The following MGAT4C variants were observed in gnomAD, a reference collection of about 807,000 sequenced individuals.
MGAT4C encodes the protein alpha-1,3-mannosyl-glycoprotein 4-beta-N-acetylglucosaminyltransferase C.
Under a neutral mutation model 40.1 loss-of-function variants are expected in MGAT4C, and 19 were observed. That is an observed-to-expected ratio of 0.47 (90% confidence interval 0.33 to 0.70). MGAT4C has a LOEUF of 0.70. Among genes scored for constraint, MGAT4C ranks in the 30% least tolerant of loss-of-function variants. The pLI is 0.02. For missense variants in MGAT4C, 491 were observed against 563.2 expected (o/e 0.87, Z 1.30); for synonymous variants, 181 against 187.1 (o/e 0.97, Z 0.27).
At chr12:86,704,974 T>A (rs1021279336) in intron 2 of MGAT4C, among the ~76,000 whole-genome samples, 4 of 152,126 alleles carry the variant, frequency 2.6e-5, no homozygotes, top group African/African-American at 9.7e-5. Context: ...AAAGAATTCA[T>A]CTTTGTAGCC....
chr12:86,795,103 T>G (rs1952091481), intron 1 of MGAT4C, among the ~76,000 whole-genome samples: 1 of 152,030 alleles, frequency 6.6e-6, no homozygotes, highest in Non-Finnish European at 1.5e-5. Context: ...ATGAATTTGT[T>G]TTCAAAATAC....
chr12:86,684,474 T>C (rs1950036228), intron 2 of MGAT4C, among the ~76,000 whole-genome samples: 1 of 152,212 alleles, frequency 6.6e-6, no homozygotes, highest in Non-Finnish European at 1.5e-5. Flanking sequence ...CTCAGGTAAA[T>C]AGTGCTGGAA....
chr12:86,583,565 T>A (rs2136436533), intron 2 of MGAT4C, among the ~76,000 whole-genome samples: 1 of 151,318 alleles, frequency 6.6e-6, no homozygotes, highest in Non-Finnish European at 1.5e-5. Flanking sequence ...GCCTTGCATT[T>A]CCAAGTTTAA....
chr12:86,296,745 G>A (rs932151252), intron 4 of MGAT4C, among the ~76,000 whole-genome samples: 6 of 152,170 alleles, frequency 3.9e-5, no homozygotes, highest in East Asian at 1.9e-4. Context: ...CAAGCGCTGC[G>A]CGCAGCCCCA....
intron 2 of MGAT4C, among the ~76,000 whole-genome samples, chr12:86,556,309 C>A (rs1460928870): frequency 6.6e-6 from 1 of 152,126 alleles, no homozygotes; most frequent in Non-Finnish European, 1.5e-5. Flanking sequence ...TTAAGTTAAA[C>A]ATTTATTTAT....
At chr12:86,834,636 A>C (rs1953000305) in intron 1 of MGAT4C, among the ~76,000 whole-genome samples, 1 of 150,686 alleles carries the variant, frequency 6.6e-6, no homozygotes, top group Non-Finnish European at 1.5e-5. Flanking sequence ...ACACACACAC[A>C]CCCCTTTACA....
At chr12:86,249,908 G>A (rs1431449649) in intron 1 of MGAT4C, among the ~76,000 whole-genome samples, 2 of 152,116 alleles carry the variant, frequency 1.3e-5, no homozygotes, top group Admixed American at 1.3e-4. Flanking sequence ...TGTCCCCTGA[G>A]CACTCTGTGC....
chr12:86,171,090 G>C (rs1263832354), intron 1 of MGAT4C, among the ~76,000 whole-genome samples: 1 of 151,928 alleles, frequency 6.6e-6, no homozygotes, highest in African/African-American at 2.4e-5. Context: ...ACTATCTTAT[G>C]GCTGGGCGCG....
At chr12:86,036,625 C>G (rs956814146) in intron 2 of MGAT4C, among the ~76,000 whole-genome samples, 8 of 149,826 alleles carry the variant, frequency 5.3e-5, no homozygotes, top group Admixed American at 2.0e-4. Context: ...TTTGAAACAG[C>G]CTTGCAACCC....
chr12:86,347,004 G>T (rs572681797), intron 3 of MGAT4C, among the ~76,000 whole-genome samples: 4 of 152,264 alleles, frequency 2.6e-5, no homozygotes, highest in African/African-American at 9.6e-5. Flanking sequence ...CCAGTGGTTT[G>T]CCAGGGGCTC....
Position 85,979,525 on chromosome 12 carries a change from G to T in MGAT4C, c.1201C>A (p.Arg401=). 1 of 1,611,802 alleles carries T rather than the reference G, an allele frequency of 6.2e-7. No homozygotes were observed. The highest frequency in any genetic ancestry group is 1.1e-5 in the South Asian group (1 of 90,960). The change falls in exon 5 of 5, where the codon CGG becomes AGG. Residue 401 remains arginine (R), a synonymous_variant. Coordinates refer to ENST00000611864, the MANE Select transcript of MGAT4C (RefSeq NM_001351288.2). ...KIKVNTGTED[R]QNDILHHGAL... ...CCATGATGCAAAATATCATTTTGCC[G>T]ATCTTCTGTTCCAGTATTTACTTTA...
intron 2 of MGAT4C, among the ~76,000 whole-genome samples, chr12:86,630,245 A>G (rs908501459): frequency 6.6e-6 from 1 of 152,178 alleles, no homozygotes; most frequent in African/African-American, 2.4e-5. Context: ...AGGCTCTGAA[A>G]TTGAGGCAAT....
At chr12:86,246,084 T>C (rs1027306143) in intron 1 of MGAT4C, among the ~76,000 whole-genome samples, 1 of 152,046 alleles carries the variant, frequency 6.6e-6, no homozygotes, top group Non-Finnish European at 1.5e-5. Context: ...AAAATATACC[T>C]TTCTCTCTTT....
intron 1 of MGAT4C, among the ~76,000 whole-genome samples, chr12:86,108,273 A>T (rs1413608051): frequency 6.6e-6 from 1 of 152,146 alleles, no homozygotes; most frequent in Non-Finnish European, 1.5e-5. Flanking sequence ...AATAGAGATT[A>T]TAAGACTGAC....
chr12:86,021,337 A>C (rs1443006685), intron 2 of MGAT4C, among the ~76,000 whole-genome samples: 3 of 151,984 alleles, frequency 2.0e-5, no homozygotes, highest in African/African-American at 4.8e-5. Context: ...TGGAACCAAC[A>C]CAAATGTCCA....
chr12:86,633,021 T>C (rs1488490844), intron 2 of MGAT4C, among the ~76,000 whole-genome samples: 2 of 151,970 alleles, frequency 1.3e-5, no homozygotes, highest in Non-Finnish European at 2.9e-5. Context: ...CATAAGTGTG[T>C]TTTCTTATTT....
intron 2 of MGAT4C, among the ~76,000 whole-genome samples, chr12:86,600,415 T>C (rs1020737678): frequency 6.6e-6 from 1 of 152,200 alleles, no homozygotes; most frequent in African/African-American, 2.4e-5. Flanking sequence ...AAGGACATGA[T>C]GTGATCTCAT....
intron 4 of MGAT4C, among the ~76,000 whole-genome samples, chr12:86,264,479 G>A (rs1457919484): frequency 6.6e-6 from 1 of 152,160 alleles, no homozygotes; most frequent in African/African-American, 2.4e-5. Flanking sequence ...GGGGAGGCGG[G>A]GAGGGGGCTG....
chr12:86,348,660 C>T (rs1955092216), intron 3 of MGAT4C, among the ~76,000 whole-genome samples: 1 of 152,092 alleles, frequency 6.6e-6, no homozygotes, highest in Admixed American at 6.6e-5. Context: ...GCATTTTACT[C>T]ATGTAGCTTT....
Sources: allele counts gnomAD v4.1 joint callset (sites outside exome capture counted in the v4.1 genomes callset), GRCh38; gene constraint gnomAD v4.1.1; transcripts MANE v1.5; gene names NCBI Gene and HGNC (gene_info 2026-07-23, HGNC 2026-07-21).